The following CFAP92 variants were observed in gnomAD, a reference collection of about 807,000 sequenced individuals.
CFAP92 encodes cilia and flagella associated protein 92 (putative), also known as uncharacterized protein CFAP92.
Under a neutral mutation model 106.3 loss-of-function variants are expected in CFAP92, and 86 were observed. That is an observed-to-expected ratio of 0.81 (90% CI 0.68 to 0.97). The LOEUF (loss-of-function observed/expected upper bound fraction) is 0.97, where lower values mean the gene tolerates loss of function less well. CFAP92 is among the 50% of genes least tolerant of loss of function. The pLI is 0.00. For synonymous variants in CFAP92, 477 were observed against 506.4 expected (o/e 0.94, Z 0.78); for missense variants, 1,204 against 1,283.8 (o/e 0.94, Z 0.95).
chr3:129,003,859 G>A (rs1004829546), upstream of CFAP92: 14 of 1,442,924 alleles, frequency 9.7e-6, no homozygotes, highest in Non-Finnish European at 1.3e-5. Context: ...AGGCTGCGGT[G>A]CGGGAGCTGC....
intron 10 of CFAP92, among the ~76,000 whole-genome samples, chr3:128,937,156 C>T (rs1447184000): frequency 1.3e-5 from 2 of 151,692 alleles, no homozygotes; most frequent in African/African-American, 4.8e-5. Context: ...CAAAAATAAT[C>T]TGGGCATGGT....
chr3:128,945,645 G>A lies in CFAP92; in HGVS notation c.1684C>T (p.Pro562Ser), dbSNP rs199883474. 8 of 1,536,118 alleles carry A rather than the reference G, an allele frequency of 5.2e-6. No individual in the cohort carries two copies. Among genetic ancestry groups the A allele is most frequent in the Non-Finnish European group, 1.7e-6 (2 of 1,146,924 alleles). ...AAACTGACCTGGGCGATGCCATAAGGGTACCACATCTTGTTCTGGGACTCA... is the reference window on the plus strand; with the variant it reads ...AAACTGACCTGGGCGATGCCATAAGAGTACCACATCTTGTTCTGGGACTCA... Reference protein sequence around the residue: ...PFESQNKMWYPYGIAQVSFAD... With the variant: ...PFESQNKMWYSYGIAQVSFAD... Residue 562 changes from proline (P) to serine (S), a missense_variant, in exon 10 of 16, where the codon CCT (proline) becomes TCT (serine). Physicochemically the swap from Pro to Ser is moderately conservative, Grantham distance 74 (BLOSUM62 -1). Coordinates refer to ENST00000645291, the MANE Select transcript of CFAP92 (RefSeq NM_001394090.1).
In CFAP92 at chr3:128,916,321, C is replaced by T. The variant is rs1936816184; in HGVS notation, c.2752-50G>A. 4.2e-6 allele frequency: 5 copies of T among 1,182,416 alleles called. No homozygotes were observed. In the East Asian group the frequency reaches 1.3e-4, roughly 30 times the overall value. 73.2% of individuals were successfully genotyped at this position (1,182,416 alleles called of 1,614,324 possible). A position where few individuals can be genotyped will look rare whatever the true frequency, so the allele number is the denominator to read the frequency against. On this transcript the variant is annotated intron_variant, in intron 12 of 15. Coordinates refer to ENST00000645291, the MANE Select transcript of CFAP92 (RefSeq NM_001394090.1). ...ACCCACACCAGGTCATCCTCACCCC[C>T]CATGCCAGCTCATATGCAGTGAGAT...
chr3:128,943,929 T>TG lies in CFAP92; in HGVS notation c.2258+1141_2258+1142insC, dbSNP rs1275525961. ...TTGGGTTATTTCCCCCGTTTTTTTT[T>TG]TTTTTTTTTTTTTAATTTGAGACAG... On this transcript the variant is annotated intron_variant, in intron 10 of 15. Transcript: ENST00000645291. 1.1e-4 allele frequency among the ~76,000 whole-genome samples: 17 copies of TG among 148,344 alleles called. No individual in the cohort carries two copies. The South Asian group carries it at 2.1e-3, about 19-fold the overall frequency.
intron 4 of CFAP92, among the ~76,000 whole-genome samples, chr3:128,981,068 G>A (rs148572515): frequency 4.2e-4 from 61 of 146,540 alleles, no homozygotes; most frequent in African/African-American, 1.3e-3. Flanking sequence ...GCAGAGTCTC[G>A]CTCCGTCACC....
the CFAP92 span, among the ~76,000 whole-genome samples, chr3:129,017,122 C>T: frequency 9.2e-5 from 14 of 152,226 alleles, no homozygotes; most frequent in Non-Finnish European, 2.1e-4. Flanking sequence ...GTCCTCCTGG[C>T]AGACTTCCCC....
At chr3:128,961,722 A>G (rs1332016538) in intron 9 of CFAP92, among the ~76,000 whole-genome samples, 1 of 152,230 alleles carries the variant, frequency 6.6e-6, no homozygotes, top group Admixed American at 6.5e-5. Flanking sequence ...AGGCTGTCTT[A>G]TTCTCAATAT....
At chr3:128,947,257 G>A (rs1342570121) in intron 9 of CFAP92, among the ~76,000 whole-genome samples, 1 of 151,962 alleles carries the variant, frequency 6.6e-6, no homozygotes, top group Non-Finnish European at 1.5e-5. Context: ...TAAATAAATG[G>A]AGAGATGTAC....
the CFAP92 span, among the ~76,000 whole-genome samples, chr3:129,008,426 T>A: frequency 6.6e-6 from 1 of 152,250 alleles, no homozygotes; most frequent in South Asian, 2.1e-4. Context: ...TAAATAGTTC[T>A]ATTTTATCCA....
At chr3:129,001,633 A>G (rs1391044561) in intron 1 of CFAP92, 4 of 1,363,608 alleles carry the variant, frequency 2.9e-6, no homozygotes, top group Non-Finnish European at 3.8e-6. Flanking sequence ...GCAGCGATGG[A>G]GCCGGTCAGC....
At chr3:128,972,221 C>T (rs1221087360) in intron 7 of CFAP92, among the ~76,000 whole-genome samples, 1 of 151,880 alleles carries the variant, frequency 6.6e-6, no homozygotes, top group African/African-American at 2.4e-5. Flanking sequence ...GGAGACTATA[C>T]TGACATCTGG....
rs550413615 is a variant in CFAP92, at chr3:128,999,214, C to T, written n.117+3360G>A. ...GAACGCAAGGAGACCTCTGAGTTTG[C>T]TCACTTTGAACCTTAAACAAAAACC... On this transcript the variant is annotated intron_variant and non_coding_transcript_variant, in intron 1 of 4. Transcript: ENST00000510149. Among the ~76,000 whole-genome samples the T allele has an allele frequency of 3.9e-5, 6 of 152,320 alleles. No homozygotes were observed. The South Asian group carries it at 1.2e-3, about 32-fold the overall frequency.
intron 4 of CFAP92, among the ~76,000 whole-genome samples, chr3:128,986,310 G>A (rs555953847): frequency 6.6e-6 from 1 of 150,672 alleles, no homozygotes; most frequent in South Asian, 2.1e-4. Flanking sequence ...TACAAACACA[G>A]CTTACTGAAG....
intron 5 of CFAP92, among the ~76,000 whole-genome samples, 192 bp from the exon 6 acceptor site, chr3:128,977,258 T>C (rs1345570003): frequency 6.6e-6 from 1 of 152,164 alleles, no homozygotes; most frequent in Admixed American, 6.5e-5. Flanking sequence ...TGGATAAATG[T>C]AGTCAAGAGG....
At chr3:128,956,230 A>AAAAG (rs1365652011) in intron 9 of CFAP92, among the ~76,000 whole-genome samples, 1 of 70,350 alleles carries the variant, frequency 1.4e-5, no homozygotes, top group Non-Finnish European at 2.4e-5. Context: ...AAAAAAAAAG[A>AAAAG]AAATAGAAAG....
chr3:129,001,655 G>C (rs1483169246), intron 1 of CFAP92: 2 of 1,399,660 alleles, frequency 1.4e-6, no homozygotes, highest in African/African-American at 3.0e-5. Flanking sequence ...CGGGCGCGGA[G>C]GCCGGCATGG....
Position 128,993,190 on chromosome 3 carries a change from C to G in CFAP92, c.115G>C (p.Ala39Pro), listed in dbSNP as rs911280650. The change falls in exon 2 of 16, where the codon GCC becomes CCC. Residue 39 changes from alanine to proline, a missense_variant. Ala to Pro is a conservative substitution (Grantham distance 27). Transcript: ENST00000645291. ...TCAGACTCCTGGGCCCTGGCCTTGG[C>G]CTTCAGGTGTTCCTCCACGTCACAC... ...SECDVEEHLK[A>P]KARAQESDSD... The G allele has an allele frequency of 1.9e-6, 3 of 1,613,948 alleles. No homozygotes were observed. The highest frequency in any genetic ancestry group is 1.7e-6 in the Non-Finnish European group (2 of 1,179,906).
chr3:128,949,202 T>G (rs567143117), intron 9 of CFAP92, among the ~76,000 whole-genome samples: 63 of 152,352 alleles, frequency 4.1e-4, no homozygotes, highest in African/African-American at 1.5e-3. Flanking sequence ...GCAATTTCAT[T>G]TGTTGGCATT....
chr3:128,980,171 G>C (rs1247448179), intron 4 of CFAP92, among the ~76,000 whole-genome samples: 1 of 151,658 alleles, frequency 6.6e-6, no homozygotes, highest in African/African-American at 2.4e-5. Flanking sequence ...AGGAGTTCAA[G>C]ACAAGCCTAG....
Sources: allele counts gnomAD v4.1 joint callset (sites outside exome capture counted in the v4.1 genomes callset), GRCh38; gene constraint gnomAD v4.1.1; transcripts MANE v1.5; gene names NCBI Gene and HGNC (gene_info 2026-07-23, HGNC 2026-07-21).